OCA2: variants seen among roughly 807,000 people sequenced by gnomAD.
The protein encoded by OCA2 is P protein.
OCA2 carries 77 observed loss-of-function variants against 100.2 expected under a neutral mutation model. The ratio of observed to expected loss-of-function variants is 0.77; its 90% CI spans 0.64 to 0.93. The LOEUF is 0.93. OCA2 is among the 40% of genes least tolerant of loss of function. The probability of loss-of-function intolerance (pLI) is 0.00; values close to 1 mark genes in which losing one functional copy is unlikely to be tolerated. For missense variants in OCA2, 1,062 were observed against 1,089.1 expected, an observed-to-expected ratio of 0.98 and a Z score of 0.35; for synonymous variants, 432 against 439.2, an observed-to-expected ratio of 0.98 and a Z score of 0.21.
intron 18 of OCA2, among the ~76,000 whole-genome samples, chr15:27,931,224 GA>G (rs35703308): frequency 0.42 from 63,568 of 151,828 alleles, 13,491 homozygotes; most frequent in Middle Eastern, 0.53. Context: ...TATTTGAGGG[GA>G]AAAAAAAATC....
At chr15:28,076,852 T>TGAAA (rs1280495305) in intron 2 of OCA2, among the ~76,000 whole-genome samples, 1 of 63,384 alleles carries the variant, frequency 1.6e-5, no homozygotes, top group African/African-American at 2.5e-4. Flanking sequence ...AGACTCCGTC[T>TGAAA]CAAAAAAAAA....
chr15:28,014,900 G>A lies in OCA2; in HGVS notation c.920C>T (p.Ser307Phe). 6.2e-7 allele frequency: 1 copy of A among 1,614,168 alleles called. No individual in the cohort carries two copies. The highest frequency in any genetic ancestry group is 8.5e-7 in the Non-Finnish European group (1 of 1,180,034). Residue 307 changes from serine (S) to phenylalanine (F), a missense_variant, in exon 9 of 24, where the codon TCC becomes TTC. Physicochemically the swap from Ser to Phe is radical, Grantham distance 155. Coordinates refer to ENST00000354638, the MANE Select transcript of OCA2 (RefSeq NM_000275.3). ...RETVSISIRA[S>F]LQQTQAVPLL... ...AGGGACAGCCTGGGTCTGCTGCAGG[G>A]AGGCCCGGATGCTGATGGACACCGT...
At chr15:27,777,703 A>G (rs989305322) in intron 23 of OCA2, among the ~76,000 whole-genome samples, 1 of 152,180 alleles carries the variant, frequency 6.6e-6, no homozygotes, top group Non-Finnish European at 1.5e-5. Context: ...CTCTAGCCCC[A>G]ATGCCTTGGA....
At chr15:27,927,982 G>C (rs1406115593) in intron 18 of OCA2, among the ~76,000 whole-genome samples, 2 of 151,710 alleles carry the variant, frequency 1.3e-5, no homozygotes, top group Non-Finnish European at 2.9e-5. Flanking sequence ...AGTAGAGATG[G>C]GGTTTCACCA....
intron 2 of OCA2, among the ~76,000 whole-genome samples, chr15:28,036,131 C>T (rs568849619): frequency 1.3e-5 from 2 of 152,172 alleles, no homozygotes; most frequent in Non-Finnish European, 2.9e-5. Context: ...TTTTTAAATG[C>T]CAGCCATCAT....
the OCA2 span, among the ~76,000 whole-genome samples, chr15:27,749,412 A>G: frequency 3.3e-5 from 5 of 152,220 alleles, no homozygotes; most frequent in Admixed American, 6.5e-5. Context: ...TAGAATGAAG[A>G]AAAACTGAAA....
At chr15:27,872,590 A>C (rs941599713) in intron 19 of OCA2, among the ~76,000 whole-genome samples, 1 of 152,018 alleles carries the variant, frequency 6.6e-6, no homozygotes, top group Non-Finnish European at 1.5e-5. Flanking sequence ...GCTGCCCAGC[A>C]CCTCTGTGGG....
intron 2 of OCA2, among the ~76,000 whole-genome samples, chr15:28,056,215 T>C (rs988698935): frequency 5.3e-5 from 8 of 152,178 alleles, no homozygotes; most frequent in South Asian, 2.1e-4. Flanking sequence ...GTGCTTCCCA[T>C]GTAGAAACAG....
intron 23 of OCA2, among the ~76,000 whole-genome samples, chr15:27,780,134 A>G (rs2151085075): frequency 6.6e-6 from 1 of 152,310 alleles, no homozygotes; most frequent in Admixed American, 6.5e-5. Context: ...GCTCAATTCC[A>G]TTAAAGGAAA....
intron 18 of OCA2, among the ~76,000 whole-genome samples, chr15:27,942,239 C>T (rs2039673179): frequency 6.8e-6 from 1 of 147,894 alleles, no homozygotes; most frequent in East Asian, 1.9e-4. Context: ...ATATGATATA[C>T]ATACGATATA....
chr15:27,977,314 T>C lies in OCA2; in HGVS notation c.1503+6031A>G, dbSNP rs554707102. ...TCTTTCTGATTCCATAGGATAAAGC[T>C]GAGGTTATGGATTTGAGACACATCT... On this transcript the variant is annotated intron_variant, in intron 14 of 23. Coordinates refer to ENST00000354638, the MANE Select transcript of OCA2 (RefSeq NM_000275.3). 2.0e-5 allele frequency among the ~76,000 whole-genome samples: 3 copies of C among 152,308 alleles called. No homozygotes were observed. In the South Asian group the frequency reaches 6.2e-4, roughly 32 times the overall value.
At chr15:28,025,971 C>G (rs2042735618) in intron 4 of OCA2, among the ~76,000 whole-genome samples, 1 of 152,210 alleles carries the variant, frequency 6.6e-6, no homozygotes, top group Admixed American at 6.5e-5. Flanking sequence ...TCAGTTCACG[C>G]TTCCCAATTA....
In OCA2 at chr15:27,985,091, A is replaced by G. The variant is rs1185751753; in HGVS notation, c.1337T>C (p.Met446Thr). The G allele has an allele frequency of 2.5e-6, 4 of 1,613,902 alleles. No individual in the cohort carries two copies. In the African/African-American group the frequency reaches 4.0e-5, roughly 16 times the overall value. The change falls in exon 13 of 24, where the codon ATG becomes ACG. Residue 446 changes from methionine to threonine, a missense_variant. Transcript: ENST00000354638. ...LSAFLDNVTT[M>T]LLFTPVTIRL... ...TATGGTCACAGGCGTGAAGAGGAGC[A>G]TGGTGGTGACGTTGTCCAAGAAGGC...
At chr15:27,833,191 A>G (rs913530575) in intron 23 of OCA2, among the ~76,000 whole-genome samples, 4 of 152,388 alleles carry the variant, frequency 2.6e-5, no homozygotes, top group Non-Finnish European at 5.9e-5. Context: ...GTCTAAATGC[A>G]TTATAAAAAA....
chr15:28,076,459 A>T (rs1463736728), intron 2 of OCA2, among the ~76,000 whole-genome samples: 1 of 152,266 alleles, frequency 6.6e-6, no homozygotes, highest in Non-Finnish European at 1.5e-5. Flanking sequence ...TTCAAGGTCA[A>T]TTAATTCCTG....
intron 3 of OCA2, 63 bp downstream of exon 3, chr15:28,032,002 G>C (rs779298241): frequency 2.3e-5 from 29 of 1,248,398 alleles, no homozygotes; most frequent in Non-Finnish European, 3.3e-5. Context: ...AAGTTCTCCA[G>C]CATACATGCC....
intron 1 of OCA2, among the ~76,000 whole-genome samples, chr15:28,082,368 T>G (rs1270947539): frequency 1.3e-5 from 2 of 152,198 alleles, no homozygotes; most frequent in Non-Finnish European, 2.9e-5. Flanking sequence ...TTGCTGCTGC[T>G]CACTCTTTGG....
intron 23 of OCA2, 34 bp downstream of exon 23, chr15:27,844,925 T>C (rs774156527): frequency 2.8e-6 from 4 of 1,451,050 alleles, no homozygotes; most frequent in Non-Finnish European, 2.9e-6. Context: ...AACTAGACAG[T>C]TTAACAGAAA....
intron 23 of OCA2, among the ~76,000 whole-genome samples, chr15:27,832,481 C>T (rs929817841): frequency 3.9e-5 from 6 of 152,224 alleles, no homozygotes; most frequent in Non-Finnish European, 2.9e-5. Flanking sequence ...CCATCTTCAG[C>T]GCCATCCTCT....
Sources: allele counts gnomAD v4.1 joint callset (sites outside exome capture counted in the v4.1 genomes callset), GRCh38; gene constraint gnomAD v4.1.1; transcripts MANE v1.5; gene names NCBI Gene and HGNC (gene_info 2026-07-23, HGNC 2026-07-21).